The following PLA2G4C variants were observed in gnomAD, a reference collection of about 807,000 sequenced individuals.
PLA2G4C encodes phospholipase A2 group IVC.
PLA2G4C carries 64 observed loss-of-function variants against 73.8 expected under a neutral mutation model. That is an observed-to-expected ratio of 0.87 (90% confidence interval 0.71 to 1.07). PLA2G4C has a LOEUF of 1.07. Among genes scored for constraint, PLA2G4C ranks in the 50% least tolerant of loss-of-function variants. The pLI is 0.00. For synonymous variants in PLA2G4C, 254 were observed against 252.1 expected, an observed-to-expected ratio of 1.01 and a Z score of -0.07; for missense variants, 622 against 665.4, an observed-to-expected ratio of 0.93 and a Z score of 0.72.
intron 4 of PLA2G4C, chr19:48,103,405 G>T (rs436943): frequency 0.32 from 48,572 of 152,246 alleles, 11,355 homozygotes; most frequent in African/African-American, 0.66. Context: ...GTCGCCTCCA[G>T]GAACCTCATC....
chr19:48,068,973 G>A (rs1968555241), intron 12 of PLA2G4C, among the ~76,000 whole-genome samples: 1 of 151,310 alleles, frequency 6.6e-6, no homozygotes, highest in Non-Finnish European at 1.5e-5. Context: ...CACTCTGGGA[G>A]GCCCAGGTGG....
At chr19:48,059,038 C>T (rs561652934) in intron 14 of PLA2G4C, among the ~76,000 whole-genome samples, 40 of 151,406 alleles carry the variant, frequency 2.6e-4, no homozygotes, top group Non-Finnish European at 4.6e-4. Flanking sequence ...TTTGGGAGGC[C>T]GAGGCGGGCA....
At chr19:48,080,880 C>G (rs112277641) in intron 10 of PLA2G4C, among the ~76,000 whole-genome samples, 14 of 149,544 alleles carry the variant, frequency 9.4e-5, no homozygotes, top group African/African-American at 3.5e-4. Context: ...TGGAACCAGC[C>G]GAGCATGGTG....
chr19:48,084,636 G>A (rs1009868852), intron 10 of PLA2G4C, among the ~76,000 whole-genome samples: 5 of 152,168 alleles, frequency 3.3e-5, no homozygotes, highest in African/African-American at 7.2e-5. Context: ...TTGCGATTAC[G>A]GGTGTCAGCC....
Position 48,091,216 on chromosome 19 carries a change from C to T in PLA2G4C, c.710-799G>A, listed in dbSNP as rs560477892. On this transcript the variant is annotated intron_variant, in intron 7 of 16. Transcript: ENST00000599921. ...ATTTATTTATTTTGAGATGGGATCT[C>T]GCTCTGTTGCCCAGGCTGGAGTGCA... Among the ~76,000 whole-genome samples, 26 of 152,166 alleles carry T rather than the reference C, an allele frequency of 1.7e-4. No individual in the cohort carries two copies. In the East Asian group the frequency reaches 3.3e-3, roughly 19 times the overall value.
intron 14 of PLA2G4C, among the ~76,000 whole-genome samples, chr19:48,059,957 G>A (rs1349133010): frequency 1.3e-5 from 2 of 151,840 alleles, no homozygotes; most frequent in Non-Finnish European, 2.9e-5. Context: ...TTTTAGTAGA[G>A]ACGGGATTTC....
intron 10 of PLA2G4C, among the ~76,000 whole-genome samples, chr19:48,078,165 A>T (rs2030295432): frequency 1.3e-5 from 2 of 152,196 alleles, no homozygotes; most frequent in Non-Finnish European, 2.9e-5. Flanking sequence ...AAAATCCCAC[A>T]TCCCTTTATG....
intron 13 of PLA2G4C, among the ~76,000 whole-genome samples, chr19:48,067,049 A>G (rs1208272562): frequency 1.3e-5 from 2 of 152,064 alleles, no homozygotes; most frequent in African/African-American, 2.4e-5. Context: ...TCCACCAGCT[A>G]TGAACATTGG....
At chr19:48,053,193 A>G (rs569951231) in intron 15 of PLA2G4C, 46 bp from the exon 16 acceptor site, 3 of 1,457,580 alleles carry the variant, frequency 2.1e-6, no homozygotes, top group South Asian at 2.5e-5. Flanking sequence ...ATGAGTTTGG[A>G]CAATTAATTC....
intron 14 of PLA2G4C, chr19:48,061,758 C>A (rs1388512798): frequency 4.0e-5 from 20 of 497,340 alleles, no homozygotes; most frequent in Non-Finnish European, 6.9e-5. Flanking sequence ...CGGGGAGAGT[C>A]ATCTGCCAGG....
At chr19:48,084,361 G>A (rs116136560) in intron 10 of PLA2G4C, among the ~76,000 whole-genome samples, 4,158 of 152,020 alleles carry the variant, frequency 0.027, 143 homozygotes, top group African/African-American at 0.083. Flanking sequence ...CGCCGGGCCA[G>A]GCTGCTTGCA....
At chr19:48,105,188 C>T (rs751455908) in intron 3 of PLA2G4C, 145 bp downstream of exon 3, 7 of 587,546 alleles carry the variant, frequency 1.2e-5, no homozygotes, top group African/African-American at 1.9e-5. Context: ...ATGCCTGTCC[C>T]ATAGAAGTTC....
intron 9 of PLA2G4C, among the ~76,000 whole-genome samples, chr19:48,086,301 G>C (rs139804591): frequency 6.6e-6 from 1 of 152,070 alleles, no homozygotes; most frequent in African/African-American, 2.4e-5. Context: ...GATCTGCCTC[G>C]CCAAGTGTGT....
chr19:48,076,235 C>T (rs961414932), intron 11 of PLA2G4C, among the ~76,000 whole-genome samples: 9 of 152,244 alleles, frequency 5.9e-5, no homozygotes, highest in African/African-American at 2.2e-4. Flanking sequence ...AAAAGCCACA[C>T]TTGCATCTTC....
chr19:48,070,900 TA>T (rs1431693512), intron 12 of PLA2G4C, among the ~76,000 whole-genome samples: 3 of 144,140 alleles, frequency 2.1e-5, no homozygotes, highest in Admixed American at 7.3e-5. Context: ...AACTTTAAAT[TA>T]AATTAAATTT....
At chr19:48,057,480 CTTCTTTTTTTTTTT>C (rs749689412) in intron 14 of PLA2G4C, among the ~76,000 whole-genome samples, 6 of 28,084 alleles carry the variant, frequency 2.1e-4, no homozygotes, top group Non-Finnish European at 2.6e-4. Flanking sequence ...TCTTCTTCTT[CTTCTTTTTTTTTTT>C]TTTTTTTTTT....
At chr19:48,054,676 C>T (rs550831859) in intron 15 of PLA2G4C, among the ~76,000 whole-genome samples, 7 of 152,244 alleles carry the variant, frequency 4.6e-5, no homozygotes, top group South Asian at 4.1e-4. Context: ...TCCTTCCTGC[C>T]GCCTTGTGAA....
At chr19:48,088,541 G>C in intron 9 of PLA2G4C, 145 bp downstream of exon 9, 5 of 656,716 alleles carry the variant, frequency 7.6e-6, no homozygotes, top group Non-Finnish European at 8.3e-6. Flanking sequence ...TCCAAATCAA[G>C]ATGAAATCTT....
intron 10 of PLA2G4C, among the ~76,000 whole-genome samples, chr19:48,083,590 G>T (rs1484226281): frequency 6.6e-6 from 1 of 151,146 alleles, no homozygotes; most frequent in Non-Finnish European, 1.5e-5. Context: ...TGGGATTACA[G>T]GCATGTACCA....
Sources: gnomAD v4.1 joint callset for allele counts (sites outside exome capture counted in the v4.1 genomes callset) on GRCh38, gnomAD v4.1.1 for gene constraint, MANE v1.5 for transcripts, NCBI Gene and HGNC (gene_info 2026-07-23, HGNC 2026-07-21) for gene names.